Variants in NEDD4 observed in about 807,000 individuals in gnomAD.
NEDD4 encodes E3 ubiquitin-protein ligase NEDD4.
A neutral mutation model predicts 144.9 loss-of-function variants in NEDD4; 99 were observed. The observed-to-expected ratio is 0.68, with a 90% CI of 0.58 to 0.81. The LOEUF is 0.81. NEDD4 is among the 30% of genes least tolerant of loss of function. NEDD4 has a pLI of 0.00. For synonymous variants in NEDD4, 318 were observed against 350.6 expected (o/e 0.91, Z 1.04); for missense variants, 985 against 1,065.9 (o/e 0.92, Z 1.06).
chr15:55,869,371 A>G (rs908837225), intron 8 of NEDD4, among the ~76,000 whole-genome samples: 1 of 152,188 alleles, frequency 6.6e-6, no homozygotes, highest in Non-Finnish European at 1.5e-5. Context: ...TCTACTCCTT[A>G]ACCTTTAAGA....
chr15:55,837,725 A>AAG, intron 24 of NEDD4, 64 bp downstream of exon 24: 1 of 1,182,746 alleles, frequency 8.5e-7, no homozygotes, highest in Non-Finnish European at 1.2e-6. Context: ...GATGAGGCCT[A>AAG]ATATTTGAAA....
At chr15:55,916,341 C>G (rs2036442950) in intron 5 of NEDD4, 1 of 1,614,020 alleles carries the variant, frequency 6.2e-7, no homozygotes, top group Non-Finnish European at 8.5e-7. Flanking sequence ...ACTACCGTTG[C>G]TGCTGTAAGA....
intron 1 of NEDD4, among the ~76,000 whole-genome samples, chr15:55,975,603 T>C (rs140623117): frequency 1.2e-4 from 18 of 149,908 alleles, no homozygotes; most frequent in African/African-American, 3.9e-4. Context: ...ATGAAAACTA[T>C]AGATGAAAGA....
chr15:55,918,485 T>C (rs1174091991), intron 5 of NEDD4, among the ~76,000 whole-genome samples: 2 of 152,128 alleles, frequency 1.3e-5, no homozygotes, highest in Non-Finnish European at 2.9e-5. Flanking sequence ...AATAGTTCCG[T>C]TGTTTATACC....
intron 21 of NEDD4, 71 bp downstream of exon 21, chr15:55,840,376 C>A: frequency 2.2e-6 from 3 of 1,360,108 alleles, no homozygotes; most frequent in Admixed American, 2.4e-5. Flanking sequence ...TCATTAAAAG[C>A]AAATTCTTCA....
chr15:55,843,623 A>AG (rs201132661), intron 18 of NEDD4, among the ~76,000 whole-genome samples: 1 of 152,238 alleles, frequency 6.6e-6, no homozygotes, highest in East Asian at 1.9e-4. Flanking sequence ...GTTAGCTCTA[A>AG]GGAAAAAAAA....
chr15:55,841,830 C>A (rs1424335239), intron 19 of NEDD4, 104 bp downstream of exon 19: 13 of 935,858 alleles, frequency 1.4e-5, no homozygotes, highest in Non-Finnish European at 2.2e-5. Context: ...CTCGGCCTCC[C>A]AAAGTGCTGG....
At chr15:55,920,295 C>T (rs927001295) in intron 5 of NEDD4, among the ~76,000 whole-genome samples, 25 of 151,826 alleles carry the variant, frequency 1.6e-4, no homozygotes, top group African/African-American at 6.0e-4. Context: ...TCTGGAGAAC[C>T]TTCACTAATA....
At chr15:55,991,290 G>A (rs562382819) in intron 1 of NEDD4, among the ~76,000 whole-genome samples, 2 of 152,142 alleles carry the variant, frequency 1.3e-5, no homozygotes, top group South Asian at 4.2e-4. Context: ...CAAAAGGGGT[G>A]TTTGGGGGTG....
intron 5 of NEDD4, among the ~76,000 whole-genome samples, chr15:55,912,651 T>C (rs1340321110): frequency 6.6e-6 from 1 of 152,158 alleles, no homozygotes; most frequent in East Asian, 1.9e-4. Flanking sequence ...AAGTAACTAC[T>C]ATACAGATTT....
intron 23 of NEDD4, 42 bp downstream of exon 23, chr15:55,838,065 C>G: frequency 8.0e-7 from 1 of 1,245,574 alleles, no homozygotes; most frequent in South Asian, 1.4e-5. Context: ...GAATAAAGTA[C>G]AAAATTATAT....
intron 5 of NEDD4, chr15:55,916,386 C>G (rs773536264): frequency 6.2e-7 from 1 of 1,613,888 alleles, no homozygotes; most frequent in Non-Finnish European, 8.5e-7. Context: ...ACTAAGGCTA[C>G]CACTACAAAT....
At chr15:55,878,355 A>G (rs1450616198) in intron 5 of NEDD4, among the ~76,000 whole-genome samples, 1 of 152,214 alleles carries the variant, frequency 6.6e-6, no homozygotes, top group African/African-American at 2.4e-5. Flanking sequence ...TAAAATGGGC[A>G]TAAGACTTGA....
intron 5 of NEDD4, among the ~76,000 whole-genome samples, chr15:55,908,772 C>G (rs2036179926): frequency 6.6e-6 from 1 of 152,152 alleles, no homozygotes; most frequent in African/African-American, 2.4e-5. Context: ...TCGGACACAG[C>G]AGTGCACCTG....
intron 4 of NEDD4, among the ~76,000 whole-genome samples, chr15:55,943,891 T>C (rs2037056016): frequency 1.3e-5 from 2 of 152,344 alleles, no homozygotes; most frequent in Admixed American, 1.3e-4. Flanking sequence ...CTGAAGGGAT[T>C]GTACCTTGCA....
intron 26 of NEDD4, among the ~76,000 whole-genome samples, chr15:55,833,458 G>A (rs2033051709): frequency 6.6e-6 from 1 of 151,990 alleles, no homozygotes; most frequent in Admixed American, 6.6e-5. Flanking sequence ...AGGAGTTTGA[G>A]ACCAGCCTGG....
At chr15:55,949,894 T>C (rs767709872) in intron 4 of NEDD4, among the ~76,000 whole-genome samples, 1 of 151,598 alleles carries the variant, frequency 6.6e-6, no homozygotes, top group Non-Finnish European at 1.5e-5. Flanking sequence ...GGCACGTGTA[T>C]ACATATGTAA....
chr15:55,843,481 G>C (rs2033608408), intron 18 of NEDD4, among the ~76,000 whole-genome samples: 1 of 152,060 alleles, frequency 6.6e-6, no homozygotes, highest in African/African-American at 2.4e-5. Flanking sequence ...TATGCTTTAG[G>C]CAGAACTTAT....
chr15:55,874,738 C>A (rs1348732938), intron 5 of NEDD4, among the ~76,000 whole-genome samples: 2 of 152,168 alleles, frequency 1.3e-5, no homozygotes, highest in Non-Finnish European at 2.9e-5. Flanking sequence ...CTTTGGGAGG[C>A]CGAGGTGGGC....
Sources: gnomAD v4.1 joint callset for allele counts (sites outside exome capture counted in the v4.1 genomes callset) on GRCh38, gnomAD v4.1.1 for gene constraint, MANE v1.5 for transcripts, NCBI Gene and HGNC (gene_info 2026-07-23, HGNC 2026-07-21) for gene names.